Variants in SYVN1 observed in about 807,000 individuals in gnomAD.
SYVN1 encodes the protein synoviolin 1.
A neutral mutation model predicts 62.6 loss-of-function variants in SYVN1; 17 were observed. The observed-to-expected ratio is 0.27, with a 90% CI of 0.19 to 0.41. The LOEUF is 0.41. Among genes scored for constraint, SYVN1 ranks in the 10% least tolerant of loss-of-function variants. SYVN1 has a pLI of 1.00. For synonymous variants in SYVN1, 316 were observed against 304.0 expected (o/e 1.04, Z -0.41); for missense variants, 634 against 818.0 (o/e 0.78, Z 2.74).
Position 65,128,723 on chromosome 11 carries a change from A to G in SYVN1, c.1596-9T>C. 2 of 1,595,088 alleles carry G rather than the reference A, an allele frequency of 1.3e-6. No individual in the cohort carries two copies. The highest frequency in any genetic ancestry group is 1.7e-6 in the Non-Finnish European group (2 of 1,170,886). Reference sequence around the variant, plus strand: ...TGGCAGGCCGGGGGGGCCTGGGAAGAGAAGGGACGAGAGGCGGGCCTGGCC... The same window carrying G: ...TGGCAGGCCGGGGGGGCCTGGGAAGGGAAGGGACGAGAGGCGGGCCTGGCC... On this transcript the variant is annotated splice_polypyrimidine_tract_variant and intron_variant, in intron 14 of 15. Transcript: ENST00000377190.
intron 14 of SYVN1, 45 bp from the exon 15 acceptor site, chr11:65,128,759 A>G (rs1948137137): frequency 1.2e-5 from 18 of 1,539,894 alleles, no homozygotes; most frequent in Non-Finnish European, 1.5e-5. Context: ...TTGGCATCCA[A>G]GGTTGGGCAG....
chr11:65,132,378 TG>T lies in SYVN1; in HGVS notation c.428-28del, dbSNP rs576840181. ...TGTGGGGACCCCCACACATGCAGGG[TG>T]GGGGGGTCAGCCCAGGGCCCAACAG... On this transcript the variant is annotated intron_variant, in intron 5 of 15. Transcript: ENST00000377190. 7.0e-4 allele frequency: 1,080 copies of T among 1,534,848 alleles called. 9 individuals are homozygous for T. In the African/African-American group the frequency reaches 0.013, roughly 19 times the overall value.
chr11:65,130,684 G>A lies in SYVN1; in HGVS notation c.1081C>T (p.Pro361Ser), dbSNP rs765425428. 2.7e-6 allele frequency: 4 copies of A among 1,487,466 alleles called. No homozygotes were observed. The highest frequency in any genetic ancestry group is 1.4e-5 in the South Asian group (1 of 73,646). 92.1% of individuals were successfully genotyped at this position (1,487,466 alleles called of 1,614,324 possible). A position where few individuals can be genotyped will look rare whatever the true frequency, so the allele number is the denominator to read the frequency against. ...QGPPPAPHPP[P>S]LLPQPPNFPQ... Reference sequence around the variant, plus strand: ...CAGTTGGGGGGCTGAGGCAAGAGTGGTGGGGGGTGGGGGGCAGGGGGTGGC... The same window carrying A: ...CAGTTGGGGGGCTGAGGCAAGAGTGATGGGGGGTGGGGGGCAGGGGGTGGC... The change falls in exon 11 of 16, where the codon CCA becomes TCA. Residue 361 changes from proline (P) to serine (S), a missense_variant. Transcript: ENST00000377190.
Position 65,131,132 on chromosome 11 carries a change from A to T in SYVN1, c.824T>A (p.Leu275Gln). The change falls in exon 9 of 16, where the codon CTG (leucine) becomes CAG (glutamine). Residue 275 changes from leucine to glutamine, a missense_variant and splice_region_variant. Leu to Gln is a moderately radical substitution (Grantham distance 113). Transcript: ENST00000377190. ...SRRAIRNMNT[L>Q]YPDATPEELQ... ...CAGCAGCCATGACAAGCCTACTTACAGGGTGTTCATGTTGCGGATGGCTCG... is the reference window on the plus strand; with the variant it reads ...CAGCAGCCATGACAAGCCTACTTACTGGGTGTTCATGTTGCGGATGGCTCG... The T allele has an allele frequency of 6.2e-7, 1 of 1,614,186 alleles. No homozygotes were observed. The highest frequency in any genetic ancestry group is 2.2e-5 in the East Asian group (1 of 44,892).
At chr11:65,132,641 T>G in intron 5 of SYVN1, 91 bp downstream of exon 5, 1 of 1,391,412 alleles carries the variant, frequency 7.2e-7, no homozygotes, top group Admixed American at 1.7e-5. Context: ...TTATCTTTCC[T>G]GTACAGCTGT....
chr11:65,132,895 G>C (rs375092861), intron 4 of SYVN1, 27 bp downstream of exon 4: 34 of 1,613,608 alleles, frequency 2.1e-5, no homozygotes, highest in Non-Finnish European at 2.8e-5. Flanking sequence ...GCTTCCACCT[G>C]CTCCAGAACT....
chr11:65,133,609 G>A lies in SYVN1; in HGVS notation c.-8C>T. 1 of 1,607,660 alleles carries A rather than the reference G, an allele frequency of 6.2e-7. No individual in the cohort carries two copies. The highest frequency in any genetic ancestry group is 8.5e-7 in the Non-Finnish European group (1 of 1,179,606). On this transcript the variant is annotated 5_prime_UTR_variant, in exon 2 of 16. Coordinates refer to ENST00000377190, the MANE Select transcript of SYVN1 (RefSeq NM_172230.3). ...CACTGCCGTGCGGAACATTGCCCTG[G>A]CCCGGAGACCTGCATGGGGCAAGAA...
Position 65,128,641 on chromosome 11 carries a change from T to G in SYVN1, c.1669A>C (p.Thr557Pro), listed in dbSNP as rs1590825341. The G allele has an allele frequency of 2.5e-6, 4 of 1,614,026 alleles. No individual in the cohort carries two copies. The highest frequency in any genetic ancestry group is 3.4e-6 in the Non-Finnish European group (4 of 1,179,970). ...ATTVVAAASSTSIPSSEATTP... is the reference protein window; with the variant it reads ...ATTVVAAASSPSIPSSEATTP... ...GTGGCCTCTGAGCTAGGGATGCTGG[T>G]GGAGGAGGCAGCAGCAACAACTGTA... The change falls in exon 15 of 16, where the codon ACC (threonine) becomes CCC (proline). Residue 557 changes from threonine (T) to proline (P), a missense_variant. Coordinates refer to ENST00000377190, the MANE Select transcript of SYVN1 (RefSeq NM_172230.3).
Position 65,129,740 on chromosome 11 carries a change from C to T in SYVN1, c.1584G>A (p.Leu528=). Residue 528 remains leucine (L), a synonymous_variant, in exon 14 of 16, where the codon CTG becomes CTA. Transcript: ENST00000377190. Reference sequence around the variant, plus strand: ...CTGTACAGACACACCCCAAGGAGGCCAGCACGGTGAGGTACTGGTTGATCT... The same window carrying T: ...CTGTACAGACACACCCCAAGGAGGCTAGCACGGTGAGGTACTGGTTGATCT... The part of the protein sequence containing the change: ...MLQINQYLTV[L]ASLGPPRPAT... 4.3e-6 allele frequency: 7 copies of T among 1,614,196 alleles called. No homozygotes were observed. The highest frequency in any genetic ancestry group is 5.9e-6 in the Non-Finnish European group (7 of 1,180,014).
At position 65,133,470 on chromosome 11, in the gene SYVN1, T is replaced by G. The variant is rs1181426764; in HGVS notation, c.132A>C (p.Ala44=). ...VYLTKSSPSM[A]VLYIQAFVLV... ...CTCCCTCCCTGAGCCCTGAACTCAC[T>G]GCCATGCTGGGGCTGGACTTGGTCA... The change falls in exon 2 of 16, where the codon GCA becomes GCC. Residue 44 remains alanine (A), a splice_region_variant and synonymous_variant. Transcript: ENST00000377190. 1 of 1,613,698 alleles carries G rather than the reference T, an allele frequency of 6.2e-7. No individual in the cohort carries two copies. Among genetic ancestry groups the G allele is most frequent in the South Asian group, 1.1e-5 (1 of 91,082 alleles).
In SYVN1 at chr11:65,128,202, A is replaced by T; in HGVS notation, c.*180T>A. On this transcript the variant is annotated 3_prime_UTR_variant, in exon 16 of 16. Coordinates refer to ENST00000377190, the MANE Select transcript of SYVN1 (RefSeq NM_172230.3). ...CCCGAGATCCCCATGGCTGCCTGGG[A>T]CTGGAGTCAAATGGGAACCCCAGCC... The T allele has an allele frequency of 1.6e-6, 1 of 612,440 alleles. No homozygotes were observed. Among genetic ancestry groups the T allele is most frequent in the Non-Finnish European group, 2.9e-6 (1 of 345,606 alleles). 37.9% of individuals were successfully genotyped at this position (612,440 alleles called of 1,614,324 possible).
At chr11:65,131,418 G>A (rs879430260) in intron 7 of SYVN1, 45 bp from the exon 8 acceptor site, 15 of 1,613,848 alleles carry the variant, frequency 9.3e-6, no homozygotes, top group East Asian at 2.2e-5. Flanking sequence ...AGGGCCAGGA[G>A]GCAGAGTGGA....
In SYVN1 at chr11:65,129,752, G is replaced by T; in HGVS notation, c.1572C>A (p.Tyr524Ter). The T allele has an allele frequency of 6.2e-7, 1 of 1,614,226 alleles. No individual in the cohort carries two copies. The highest frequency in any genetic ancestry group is 8.5e-7 in the Non-Finnish European group (1 of 1,180,028). The change falls in exon 14 of 16, where the codon TAC (tyrosine) becomes TAA (stop). Residue 524 changes from tyrosine to a stop codon, truncating the protein, a stop_gained. Coordinates refer to ENST00000377190, the MANE Select transcript of SYVN1 (RefSeq NM_172230.3). LOFTEE classifies it high-confidence loss of function. The part of the protein sequence containing the change: ...LDAAMLQINQ[Y>*]LTVLASLGPP... ...ACCCCAAGGAGGCCAGCACGGTGAG[G>T]TACTGGTTGATCTGCAGCATGGCGG...
At chr11:65,132,899 C>T in intron 4 of SYVN1, 23 bp downstream of exon 4, 1 of 1,613,934 alleles carries the variant, frequency 6.2e-7, no homozygotes, top group Non-Finnish European at 8.5e-7. Flanking sequence ...CCACCTGCTC[C>T]AGAACTCCCT....
In SYVN1 at chr11:65,130,300, CGGGACAGGT is replaced by C; in HGVS notation, c.1176_1184del (p.Val394_Pro396del). On this transcript the variant is annotated inframe_deletion, in exon 12 of 16. Coordinates refer to ENST00000377190, the MANE Select transcript of SYVN1 (RefSeq NM_172230.3). ...CAGCCTCTCCTGAGCTGGGGGGAGG[CGGGACAGGT>C]GGAAAGGGGCCCATGGGGGGCCACA... The C allele has an allele frequency of 6.3e-7, 1 of 1,592,340 alleles. No individual in the cohort carries two copies. Among genetic ancestry groups the C allele is most frequent in the South Asian group, 1.1e-5 (1 of 88,294 alleles).
Position 65,128,468 on chromosome 11 carries a change from C to T in SYVN1, c.1768G>A (p.Glu590Lys). ...RPPAPESVGT[E>K]EMPEDGEPDA... ...GGCTCTCCATCCTCAGGCATCTCCT[C>T]TGTGCCCACTGACTCAGGAGCTGGG... The change falls in exon 16 of 16, where the codon GAG (glutamate) becomes AAG (lysine). Residue 590 changes from glutamate to lysine, a missense_variant. Around this residue, in one of 2 missense-constraint regions of SYVN1, gnomAD observed 351 missense variants for 373.3 expected, o/e 0.94. Transcript: ENST00000377190. The T allele has an allele frequency of 6.2e-7, 1 of 1,614,162 alleles. No homozygotes were observed. The highest frequency in any genetic ancestry group is 8.5e-7 in the Non-Finnish European group (1 of 1,180,018).
chr11:65,130,686 G>C lies in SYVN1; in HGVS notation c.1079C>G (p.Pro360Arg). ...DQGPPPAPHP[P>R]PLLPQPPNFP... ...GTTGGGGGGCTGAGGCAAGAGTGGT[G>C]GGGGGTGGGGGGCAGGGGGTGGCCC... Residue 360 changes from proline (P) to arginine (R), a missense_variant, in exon 11 of 16, where the codon CCA becomes CGA. Physicochemically the swap from Pro to Arg is moderately radical, Grantham distance 103 (BLOSUM62 -2). This residue lies in a region of SYVN1 where 351 missense variants were observed against 373.3 expected (regional missense o/e 0.94). Transcript: ENST00000377190. 9.4e-6 allele frequency: 14 copies of C among 1,487,762 alleles called. No individual in the cohort carries two copies. Among genetic ancestry groups the C allele is most frequent in the Non-Finnish European group, 1.3e-5 (14 of 1,116,464 alleles). The allele number at this position is 1,487,762 out of a possible 1,614,324, so 92.2% of individuals were successfully genotyped here.
intron 15 of SYVN1, 37 bp from the exon 16 acceptor site, chr11:65,128,525 GT>G (rs761594509): frequency 1.2e-6 from 2 of 1,613,360 alleles, no homozygotes; most frequent in Admixed American, 3.3e-5. Flanking sequence ...ACCTAGAGAA[GT>G]TCCCTGCTCC....
chr11:65,132,895 G>A (rs375092861), intron 4 of SYVN1, 27 bp downstream of exon 4: 7 of 1,613,608 alleles, frequency 4.3e-6, no homozygotes, highest in Non-Finnish European at 5.1e-6. Flanking sequence ...GCTTCCACCT[G>A]CTCCAGAACT....
Sources: gnomAD v4.1 joint callset for allele counts on GRCh38, gnomAD v4.1.1 for gene constraint, gnomAD v4.1.1 regional missense constraint, MANE v1.5 for transcripts, NCBI Gene and HGNC (gene_info 2026-07-23, HGNC 2026-07-21) for gene names.